Variants in EBF2 observed in about 807,000 individuals in gnomAD.
EBF2 encodes EBF transcription factor 2, also known as transcription factor COE2.
EBF2 carries 21 observed loss-of-function variants against 72.8 expected under a neutral mutation model. The observed-to-expected ratio is 0.29, with a 90% CI of 0.20 to 0.42. EBF2 has a LOEUF of 0.42. Among genes scored for constraint, EBF2 ranks in the 10% least tolerant of loss-of-function variants. EBF2 has a pLI of 1.00. For synonymous variants in EBF2, 299 were observed against 274.2 expected (o/e 1.09, Z -0.89); for missense variants, 637 against 731.2 (o/e 0.87, Z 1.49).
At chr8:26,038,817 C>T (rs1191149224) in intron 5 of EBF2, among the ~76,000 whole-genome samples, 1 of 152,198 alleles carries the variant, frequency 6.6e-6, no homozygotes, top group Non-Finnish European at 1.5e-5. Context: ...TTGGTCAAAA[C>T]CAAAACAAAC....
chr8:25,850,690 GA>G lies in EBF2; in HGVS notation c.1599del (p.Pro534LeufsTer34). 6.4e-7 allele frequency: 1 copy of G among 1,564,456 alleles called. No individual in the cohort carries two copies. Among genetic ancestry groups the G allele is most frequent in the Non-Finnish European group, 8.6e-7 (1 of 1,163,650 alleles). ...AAGGCACTCTTCTGTTTGACAGCAG[GA>G]AAAACTGAAGAGGAAAATGGGAGGA... ...SSILPFSSSV[F>X]PAVKQKSAFA... is the part of the protein sequence containing the mutation. On this transcript the variant is annotated frameshift_variant, in exon 15 of 16. Transcript: ENST00000520164. LOFTEE classifies it high-confidence loss of function.
At chr8:25,906,286 T>G (rs1283803102) in intron 7 of EBF2, among the ~76,000 whole-genome samples, 1 of 152,234 alleles carries the variant, frequency 6.6e-6, no homozygotes. Flanking sequence ...TCTGCCTCTG[T>G]ATCTTCTAGA....
At chr8:25,946,465 G>A (rs1051238978) in intron 6 of EBF2, among the ~76,000 whole-genome samples, 1 of 152,176 alleles carries the variant, frequency 6.6e-6, no homozygotes. Flanking sequence ...AGTCATCTGG[G>A]GTGGCAGGTG....
chr8:25,970,921 C>G (rs988563575), intron 6 of EBF2, among the ~76,000 whole-genome samples: 1 of 152,210 alleles, frequency 6.6e-6, no homozygotes, highest in African/African-American at 2.4e-5. Context: ...CAGCTTTAAA[C>G]TCCTGGGCTC....
chr8:26,008,290 C>A (rs918301597), intron 6 of EBF2, among the ~76,000 whole-genome samples: 3 of 152,142 alleles, frequency 2.0e-5, no homozygotes, highest in African/African-American at 7.2e-5. Context: ...TTCTCCTTTT[C>A]CTGCAGTTCC....
At chr8:26,035,162 AGACAGG>A in intron 5 of EBF2, among the ~76,000 whole-genome samples, 1 of 136,522 alleles carries the variant, frequency 7.3e-6, no homozygotes, top group Non-Finnish European at 1.6e-5. Context: ...TTTTTTTTTG[AGACAGG>A]GTCTCCCTTT....
intron 6 of EBF2, among the ~76,000 whole-genome samples, chr8:25,922,292 T>G (rs4872379): frequency 0.53 from 81,001 of 151,612 alleles, 24,166 homozygotes; most frequent in East Asian, 0.74. Flanking sequence ...GTTTTATGTT[T>G]CACAATGTTT....
At chr8:26,011,851 A>G (rs1391669327) in intron 6 of EBF2, among the ~76,000 whole-genome samples, 3 of 152,004 alleles carry the variant, frequency 2.0e-5, no homozygotes, top group East Asian at 3.9e-4. Context: ...TCCAGGACAC[A>G]TGCACAGCCA....
intron 6 of EBF2, among the ~76,000 whole-genome samples, chr8:26,013,109 G>A (rs970214746): frequency 1.3e-5 from 2 of 152,164 alleles, no homozygotes; most frequent in African/African-American, 4.8e-5. Context: ...GCTGGTTTTG[G>A]GAGGAGTATC....
chr8:25,955,074 T>A (rs1803923541), intron 6 of EBF2, among the ~76,000 whole-genome samples: 1 of 152,078 alleles, frequency 6.6e-6, no homozygotes, highest in African/African-American at 2.4e-5. Context: ...ACGGAGCGCA[T>A]CCCCAGAACA....
chr8:25,927,327 A>G, intron 6 of EBF2, among the ~76,000 whole-genome samples: 1 of 133,738 alleles, frequency 7.5e-6, no homozygotes, highest in East Asian at 2.4e-4. Flanking sequence ...TCATGTATTT[A>G]TATATCTAGA....
intron 6 of EBF2, among the ~76,000 whole-genome samples, chr8:25,980,011 T>C (rs1444100952): frequency 6.6e-6 from 1 of 152,142 alleles, no homozygotes; most frequent in African/African-American, 2.4e-5. Flanking sequence ...AAAAGCTTCA[T>C]TCTGTGCTGG....
chr8:25,979,174 G>A (rs1459550992), intron 6 of EBF2, among the ~76,000 whole-genome samples: 6 of 152,124 alleles, frequency 3.9e-5, no homozygotes, highest in African/African-American at 1.4e-4. Flanking sequence ...TGTGTGTCCC[G>A]CAGATGCAAA....
chr8:25,927,253 T>G (rs1161521383), intron 6 of EBF2, among the ~76,000 whole-genome samples: 1 of 152,094 alleles, frequency 6.6e-6, no homozygotes, highest in Non-Finnish European at 1.5e-5. Context: ...ATTTCAGACT[T>G]GCCATCTCCC....
At chr8:26,020,795 G>T (rs1403528624) in intron 6 of EBF2, among the ~76,000 whole-genome samples, 2 of 152,134 alleles carry the variant, frequency 1.3e-5, no homozygotes, top group Non-Finnish European at 1.5e-5. Flanking sequence ...CCAGATACAG[G>T]TCTAAAGGGT....
At chr8:25,889,634 A>G in intron 8 of EBF2, 118 bp downstream of exon 8, 1 of 765,946 alleles carries the variant, frequency 1.3e-6, no homozygotes, top group South Asian at 1.8e-5. Context: ...AAAAAAAAAA[A>G]CCCACATTGT....
chr8:25,985,397 C>T (rs1005512522), intron 6 of EBF2, among the ~76,000 whole-genome samples: 11 of 152,178 alleles, frequency 7.2e-5, no homozygotes, highest in South Asian at 4.1e-4. Flanking sequence ...GCAGAACCAA[C>T]GGTCTGGGGA....
chr8:26,015,000 G>C (rs1234073504), intron 6 of EBF2, among the ~76,000 whole-genome samples: 2 of 152,180 alleles, frequency 1.3e-5, no homozygotes, highest in Admixed American at 6.5e-5. Flanking sequence ...GCAAATGTCA[G>C]GGTAAGATGC....
At position 25,914,073 on chromosome 8, in the gene EBF2, A is replaced by T. The variant is rs180845983; in HGVS notation, c.552-5518T>A. On this transcript the variant is annotated intron_variant, in intron 6 of 15. Coordinates refer to ENST00000520164, the MANE Select transcript of EBF2 (RefSeq NM_022659.4). ...TCCAGGATCCTCTCCACAAGTTTACATCCTTTGGGCGATTAGGCAATCCAA... is the reference window on the plus strand; with the variant it reads ...TCCAGGATCCTCTCCACAAGTTTACTTCCTTTGGGCGATTAGGCAATCCAA... Among the ~76,000 whole-genome samples the T allele has an allele frequency of 1.8e-3, 267 of 152,302 alleles. 2 individuals carry two copies. The highest frequency in any genetic ancestry group is 6.2e-3 in the African/African-American group (258 of 41,554).
Sources: gnomAD v4.1 joint callset for allele counts (sites outside exome capture counted in the v4.1 genomes callset) on GRCh38, gnomAD v4.1.1 for gene constraint, MANE v1.5 for transcripts, NCBI Gene and HGNC (gene_info 2026-07-23, HGNC 2026-07-21) for gene names.